KCNMB2: variants seen among roughly 807,000 people sequenced by gnomAD.
The protein encoded by KCNMB2 is calcium-activated potassium channel subunit beta-2.
KCNMB2 carries 9 observed loss-of-function variants against 24.5 expected under a neutral mutation model. The observed-to-expected ratio is 0.37, with a 90% CI of 0.22 to 0.64. The LOEUF is 0.64. Ranked by LOEUF, KCNMB2 falls within the 30% of genes least tolerant of loss-of-function variation. KCNMB2 has a pLI of 0.63. For synonymous variants in KCNMB2, 109 were observed against 104.4 expected, an observed-to-expected ratio of 1.04 and a Z score of -0.27; for missense variants, 226 against 284.3, an observed-to-expected ratio of 0.79 and a Z score of 1.47.
At chr3:178,627,481 T>C (rs571493025) in intron 1 of KCNMB2, among the ~76,000 whole-genome samples, 1 of 152,360 alleles carries the variant, frequency 6.6e-6, no homozygotes, top group East Asian at 1.9e-4. Flanking sequence ...AGAAAACTTT[T>C]ACATTTGTTC....
intron 1 of KCNMB2, among the ~76,000 whole-genome samples, chr3:178,665,089 A>C (rs1457133634): frequency 6.6e-6 from 1 of 152,152 alleles, no homozygotes; most frequent in African/African-American, 2.4e-5. Flanking sequence ...TGTAAAATTC[A>C]TTCTGCTTTG....
chr3:178,582,673 A>T (rs1005320783), intron 1 of KCNMB2, among the ~76,000 whole-genome samples: 1 of 151,982 alleles, frequency 6.6e-6, no homozygotes, highest in Non-Finnish European at 1.5e-5. Flanking sequence ...TCTATCACTA[A>T]TTTTTTTTAA....
intron 1 of KCNMB2, among the ~76,000 whole-genome samples, chr3:178,678,949 C>T (rs893063106): frequency 6.6e-6 from 1 of 152,018 alleles, no homozygotes; most frequent in Non-Finnish European, 1.5e-5. Flanking sequence ...GCACTCTATT[C>T]GTACCCTTCT....
intron 1 of KCNMB2, among the ~76,000 whole-genome samples, chr3:178,624,932 G>A (rs1002058854): frequency 7.2e-5 from 11 of 152,214 alleles, no homozygotes; most frequent in African/African-American, 2.6e-4. Context: ...CCCAGAGTGA[G>A]GGAAACCATG....
chr3:178,824,942 T>G (rs981732213), intron 2 of KCNMB2, among the ~76,000 whole-genome samples: 1 of 152,208 alleles, frequency 6.6e-6, no homozygotes, highest in African/African-American at 2.4e-5. Context: ...TTATAGGGCC[T>G]GGGCTCGATT....
At chr3:178,839,846 C>T (rs1715363990) in intron 4 of KCNMB2, among the ~76,000 whole-genome samples, 1 of 152,166 alleles carries the variant, frequency 6.6e-6, no homozygotes, top group African/African-American at 2.4e-5. Flanking sequence ...GGTGGAGACA[C>T]AGAGCCAAAC....
chr3:178,707,020 C>T (rs941814705), intron 1 of KCNMB2, among the ~76,000 whole-genome samples: 13 of 151,982 alleles, frequency 8.6e-5, no homozygotes, highest in Non-Finnish European at 1.8e-4. Flanking sequence ...AATATATATA[C>T]ATATACAGCA....
chr3:178,557,859 T>C (rs775636179), intron 1 of KCNMB2, among the ~76,000 whole-genome samples: 1 of 152,164 alleles, frequency 6.6e-6, no homozygotes, highest in Non-Finnish European at 1.5e-5. Flanking sequence ...AGACATTCTG[T>C]GATTTGACCA....
intron 1 of KCNMB2, among the ~76,000 whole-genome samples, chr3:178,707,718 A>G (rs963080018): frequency 1.1e-4 from 8 of 72,508 alleles, no homozygotes; most frequent in Non-Finnish European, 2.4e-4. Flanking sequence ...AAATCATTAA[A>G]TGGGAGCCAT....
intron 1 of KCNMB2, among the ~76,000 whole-genome samples, chr3:178,699,288 C>A (rs967133738): frequency 3.3e-5 from 5 of 152,242 alleles, no homozygotes; most frequent in South Asian, 2.1e-4. Context: ...GTGGGGCTTG[C>A]TGGCTCTGTG....
intron 1 of KCNMB2, among the ~76,000 whole-genome samples, chr3:178,709,340 G>C (rs1450595427): frequency 6.6e-5 from 10 of 152,134 alleles, no homozygotes; most frequent in Admixed American, 4.6e-4. Flanking sequence ...TCCAAGCATC[G>C]TGGCTAAATC....
chr3:178,744,060 TCTTTTTTTAAC>T (rs1723581778), intron 1 of KCNMB2, among the ~76,000 whole-genome samples: 1 of 152,202 alleles, frequency 6.6e-6, no homozygotes, highest in East Asian at 1.9e-4. Context: ...AGAAGTTAAA[TCTTTTTTTAAC>T]TACCTGCAGA....
intron 1 of KCNMB2, among the ~76,000 whole-genome samples, chr3:178,609,643 A>AT (rs35933239): frequency 0.036 from 5,160 of 143,094 alleles, 108 homozygotes; most frequent in East Asian, 0.056. Context: ...GTCTATTTCG[A>AT]TTTTTTTTTT....
chr3:178,759,951 TCCAAGAGG>T (rs1349706216), intron 1 of KCNMB2, among the ~76,000 whole-genome samples: 2 of 34,808 alleles, frequency 5.7e-5, no homozygotes, highest in Non-Finnish European at 8.9e-5. Context: ...TATATATATA[TCCAAGAGG>T]ATATATATAT....
chr3:178,759,203 T>A (rs1303971439), intron 1 of KCNMB2, among the ~76,000 whole-genome samples: 1 of 117,430 alleles, frequency 8.5e-6, no homozygotes, highest in East Asian at 2.5e-4. Flanking sequence ...AAGAGGGATA[T>A]ATATATATAA....
chr3:178,581,225 C>T (rs1027562603), intron 1 of KCNMB2, among the ~76,000 whole-genome samples: 4 of 152,036 alleles, frequency 2.6e-5, no homozygotes, highest in African/African-American at 9.7e-5. Flanking sequence ...CATCTACAAC[C>T]ATCTGGTCTT....
intron 1 of KCNMB2, among the ~76,000 whole-genome samples, chr3:178,793,516 G>GGGC (rs879176068): frequency 4.6e-5 from 7 of 151,934 alleles, no homozygotes; most frequent in South Asian, 2.1e-4. Context: ...CTTCACCCTG[G>GGGC]GGGGGTGGGC....
intron 1 of KCNMB2, chr3:178,748,596 CTA>C (rs1302445387): frequency 6.6e-6 from 1 of 152,196 alleles, no homozygotes; most frequent in Non-Finnish European, 1.5e-5. Flanking sequence ...TGTATAAAAA[CTA>C]ATTCTCTATA....
At chr3:178,587,739 CT>C (rs67539620) in intron 1 of KCNMB2, among the ~76,000 whole-genome samples, 53,527 of 142,512 alleles carry the variant, frequency 0.38, 9,850 homozygotes, top group African/African-American at 0.48. Flanking sequence ...AGCCAGTAAT[CT>C]TTTTTTTTTT....
Sources: allele counts gnomAD v4.1 joint callset (sites outside exome capture counted in the v4.1 genomes callset), GRCh38; gene constraint gnomAD v4.1.1; transcripts MANE v1.5; gene names NCBI Gene and HGNC (gene_info 2026-07-23, HGNC 2026-07-21).